Variants in SDR42E2 observed in about 807,000 individuals in gnomAD.
SDR42E2 encodes the protein short chain dehydrogenase/reductase family 42E, member 2.
A neutral mutation model predicts 10.5 loss-of-function variants in SDR42E2; 20 were observed. That is an observed-to-expected ratio of 1.90 (90% CI 1.34 to 2.77). The LOEUF (loss-of-function observed/expected upper bound fraction) is 2.77, where lower values mean the gene tolerates loss of function less well. SDR42E2 is among the 30% of genes most tolerant of loss of function. The pLI is 0.00. For missense variants in SDR42E2, 162 were observed against 104.2 expected (o/e 1.55, Z -2.42); for synonymous variants, 72 against 39.2 (o/e 1.84, Z -3.12).
In SDR42E2 at chr16:22,190,556, G is replaced by T. The variant is rs2046767332; in HGVS notation, c.*163G>T. 2.5e-6 allele frequency: 1 copy of T among 397,198 alleles called. No individual in the cohort carries two copies. The highest frequency in any genetic ancestry group is 3.6e-5 in the East Asian group (1 of 27,836). The allele number at this position is 397,198 out of a possible 1,614,324, so 24.6% of individuals were successfully genotyped here. On this transcript the variant is annotated 3_prime_UTR_variant, in exon 13 of 13. Transcript: ENST00000602312. ...GCCCCCGAGCCGCTCTCCAGACCTA[G>T]CCCGGACCGCCGACTTCTGGCCACG...
intron 1 of SDR42E2, among the ~76,000 whole-genome samples, chr16:22,165,241 C>T (rs899630957): frequency 6.6e-6 from 1 of 152,186 alleles, no homozygotes; most frequent in South Asian, 2.1e-4. Flanking sequence ...GTGTGCCCCA[C>T]TACACCCGGC....
rs994893217 is a variant in SDR42E2 at position 22,165,596 on chromosome 16, C to G, written c.14C>G (p.Pro5Arg). 13 of 401,302 alleles carry G rather than the reference C, an allele frequency of 3.2e-5. No individual in the cohort carries two copies. The highest frequency in any genetic ancestry group is 2.5e-4 in the African/African-American group (12 of 48,704). 24.9% of individuals were successfully genotyped at this position (401,302 alleles called of 1,614,324 possible). Reference protein sequence around the residue: MKSNPPRSSLEACKA... With the variant: MKSNRPRSSLEACKA... ...GCTCAGTAGAGGATGAAGTCCAACC[C>G]CCCACGCTCCTCCCTAGAGGCCTGC... Residue 5 changes from proline to arginine, a missense_variant, in exon 2 of 13, where the codon CCC becomes CGC. Transcript: ENST00000602312.
rs577799658 is a variant in SDR42E2 at position 22,168,798 on chromosome 16, G to A, written c.337-647G>A. Among the ~76,000 whole-genome samples the A allele has an allele frequency of 3.1e-4, 47 of 152,112 alleles. 1 individual carries two copies. The East Asian group carries it at 8.8e-3, about 28-fold the overall frequency. Reference sequence around the variant, plus strand: ...TGAGGCAGGAGAATCATTCAAACCCGGGAGGCAGAGGTTGCAGTGAGCCAA... The same window carrying A: ...TGAGGCAGGAGAATCATTCAAACCCAGGAGGCAGAGGTTGCAGTGAGCCAA... On this transcript the variant is annotated intron_variant, in intron 4 of 12. Coordinates refer to ENST00000602312, the MANE Select transcript of SDR42E2 (RefSeq NM_001394319.2).
At chr16:22,168,368 C>A (rs1043568117) in intron 4 of SDR42E2, among the ~76,000 whole-genome samples, 2 of 151,954 alleles carry the variant, frequency 1.3e-5, no homozygotes, top group African/African-American at 4.8e-5. Context: ...CAGGCTCAAG[C>A]GATTCTTCTG....
chr16:22,184,120 T>C, intron 10 of SDR42E2, 61 bp from the exon 11 acceptor site: 1 of 400,066 alleles, frequency 2.5e-6, no homozygotes, highest in Non-Finnish European at 4.4e-6. Context: ...AGGGAGCATG[T>C]GGTCTTTCCA....
intron 12 of SDR42E2, among the ~76,000 whole-genome samples, chr16:22,188,554 G>A (rs539667293): frequency 6.6e-6 from 1 of 152,300 alleles, no homozygotes; most frequent in South Asian, 2.1e-4. Context: ...GCTGGGATTT[G>A]AACCCAGACC....
chr16:22,163,375 G>T (rs1197389574), intron 1 of SDR42E2, among the ~76,000 whole-genome samples: 1 of 152,134 alleles, frequency 6.6e-6, no homozygotes, highest in Admixed American at 6.5e-5. Context: ...CGGGGATTTA[G>T]GCCCCTGCTC....
rs1438381035 is a variant in SDR42E2 at position 22,191,398 on chromosome 16, C to T, written c.*1005C>T. The T allele has an allele frequency of 1.3e-5, 2 of 152,552 alleles. No individual in the cohort carries two copies. The highest frequency in any genetic ancestry group is 2.9e-5 in the Non-Finnish European group (2 of 68,098). 9.4% of individuals were successfully genotyped at this position (152,552 alleles called of 1,614,324 possible). ...AGCTCCGCCTCCCGGGTAGGTTCTC[C>T]CCGGAACCAGGCTGCCGCGTCGCTA... is the stretch of plus-strand genomic sequence containing the variant. On this transcript the variant is annotated 3_prime_UTR_variant, in exon 13 of 13. Coordinates refer to ENST00000602312, the MANE Select transcript of SDR42E2 (RefSeq NM_001394319.2).
chr16:22,187,178 C>CAA (rs2046742167), intron 12 of SDR42E2, among the ~76,000 whole-genome samples: 1 of 152,168 alleles, frequency 6.6e-6, no homozygotes, highest in Non-Finnish European at 1.5e-5. Flanking sequence ...TACACACACA[C>CAA]AACAGCCTGG....
At chr16:22,182,160 G>A in intron 9 of SDR42E2, 52 bp from the exon 10 acceptor site, 1 of 407,836 alleles carries the variant, frequency 2.5e-6, no homozygotes, top group South Asian at 1.2e-4. Flanking sequence ...GGAAGGGTGG[G>A]GCAGGCTGCT....
intron 8 of SDR42E2, among the ~76,000 whole-genome samples, chr16:22,179,975 C>T (rs1202430407): frequency 6.6e-6 from 1 of 152,120 alleles, no homozygotes; most frequent in African/African-American, 2.4e-5. Context: ...AAGGCTCTTC[C>T]TCCAAATACC....
At position 22,189,716 on chromosome 16, in the gene SDR42E2, G is replaced by T. The variant is rs189924737; in HGVS notation, c.1015-423G>T. Reference sequence around the variant, plus strand: ...GGTCACAGTTGGTCTGGGGTTGGGGGCAGGAAGCCAAGGTCGTTTCCTGCA... The same window carrying T: ...GGTCACAGTTGGTCTGGGGTTGGGGTCAGGAAGCCAAGGTCGTTTCCTGCA... On this transcript the variant is annotated intron_variant, in intron 12 of 12. Coordinates refer to ENST00000602312, the MANE Select transcript of SDR42E2 (RefSeq NM_001394319.2). Among the ~76,000 whole-genome samples, 29 of 152,296 alleles carry T rather than the reference G, an allele frequency of 1.9e-4. No homozygotes were observed. The East Asian group carries it at 3.7e-3, about 19-fold the overall frequency.
intron 4 of SDR42E2, among the ~76,000 whole-genome samples, 174 bp downstream of exon 4, chr16:22,167,173 T>TGG (rs1567237218): frequency 4.4e-5 from 4 of 90,238 alleles, no homozygotes; most frequent in African/African-American, 1.8e-4. Context: ...CCATTTTTTT[T>TGG]TTTTTTTTTT....
chr16:22,172,852 C>G (rs188240927), intron 7 of SDR42E2, among the ~76,000 whole-genome samples: 2 of 152,216 alleles, frequency 1.3e-5, no homozygotes, highest in Non-Finnish European at 2.9e-5. Context: ...ACAATCATAG[C>G]TTACTGCAGC....
chr16:22,167,854 G>A (rs1021641671), intron 4 of SDR42E2, among the ~76,000 whole-genome samples: 6 of 152,064 alleles, frequency 3.9e-5, no homozygotes, highest in Non-Finnish European at 8.8e-5. Context: ...TCTCCTGTTT[G>A]TTTCCAAAAA....
rs1199503577 is a variant in SDR42E2 at position 22,190,289 on chromosome 16, C to G, written c.1165C>G (p.Leu389Val). The G allele has an allele frequency of 2.5e-6, 1 of 401,976 alleles. No individual in the cohort carries two copies. The highest frequency in any genetic ancestry group is 4.4e-6 in the Non-Finnish European group (1 of 226,868). The allele number at this position is 401,976 out of a possible 1,614,324, so 24.9% of individuals were successfully genotyped here. A position where few individuals can be genotyped will look rare whatever the true frequency, so the allele number is the denominator to read the frequency against. Residue 389 changes from leucine to valine, a missense_variant, in exon 13 of 13, where the codon CTC (leucine) becomes GTC (valine). Physicochemically the swap from Leu to Val is conservative, Grantham distance 32. Coordinates refer to ENST00000602312, the MANE Select transcript of SDR42E2 (RefSeq NM_001394319.2). ...GCCCCGCGGCTCCACGGCGCGGACC[C>G]TCCTGCGCCTGCTGCTCAGGCTGCT... is the stretch of plus-strand genomic sequence containing the variant. Reference protein sequence around the residue: ...RRPRGSTARTLLRLLLRLLLF... With the variant: ...RRPRGSTARTVLRLLLRLLLF...
intron 6 of SDR42E2, among the ~76,000 whole-genome samples, chr16:22,171,371 G>A (rs940049242): frequency 2.0e-5 from 3 of 151,938 alleles, no homozygotes; most frequent in Non-Finnish European, 4.4e-5. Flanking sequence ...CTCCCAAGTA[G>A]CTGGGATTAT....
At chr16:22,180,606 G>A (rs905587764) in intron 8 of SDR42E2, among the ~76,000 whole-genome samples, 1 of 152,160 alleles carries the variant, frequency 6.6e-6, no homozygotes, top group Non-Finnish European at 1.5e-5. Context: ...GGGAGGCCAA[G>A]GCAGGAGGAT....
At position 22,172,285 on chromosome 16, in the gene SDR42E2, C is replaced by G. The variant is rs548911868; in HGVS notation, c.543C>G (p.Ala181=). The G allele has an allele frequency of 4.3e-6, 3 of 703,208 alleles. No homozygotes were observed. In the African/African-American group the frequency reaches 5.2e-5, roughly 12 times the overall value. 43.6% of individuals were successfully genotyped at this position (703,208 alleles called of 1,614,324 possible). Residue 181 remains alanine, a synonymous_variant, in exon 7 of 13, where the codon GCC becomes GCG. Transcript: ENST00000602312. ...TAGACCACTACTCCCGAACCAAAGC[C>G]ATCGCCGACCAATTGACCCTCATGG... The part of the protein sequence containing the change: ...EHVDHYSRTK[A]IADQLTLMAN...
Sources: allele counts gnomAD v4.1 joint callset (sites outside exome capture counted in the v4.1 genomes callset), GRCh38; gene constraint gnomAD v4.1.1; transcripts MANE v1.5; gene names NCBI Gene and HGNC (gene_info 2026-07-23, HGNC 2026-07-21).